Variants in FBXL20 observed in about 807,000 individuals in gnomAD.
FBXL20 encodes F-box/LRR-repeat protein 20.
FBXL20 carries 11 observed loss-of-function variants against 64.0 expected under a neutral mutation model. That is an observed-to-expected ratio of 0.17 (90% confidence interval 0.11 to 0.28). The LOEUF (loss-of-function observed/expected upper bound fraction) is 0.28, where lower values mean the gene tolerates loss of function less well. Ranked by LOEUF, FBXL20 falls within the 10% of genes least tolerant of loss-of-function variation. The pLI, the probability that FBXL20 is intolerant of heterozygous loss-of-function variation, is 1.00. For synonymous variants in FBXL20, 184 were observed against 189.0 expected, an observed-to-expected ratio of 0.97 and a Z score of 0.22; for missense variants, 303 against 526.2, an observed-to-expected ratio of 0.58 and a Z score of 4.15.
chr17:39,295,240 C>G (rs976260427), intron 6 of FBXL20, among the ~76,000 whole-genome samples: 1 of 152,122 alleles, frequency 6.6e-6, no homozygotes, highest in African/African-American at 2.4e-5. Context: ...TAATTTCTCT[C>G]TGTGTGACTA....
chr17:39,345,253 A>C (rs1257665554), intron 1 of FBXL20, among the ~76,000 whole-genome samples: 1 of 152,248 alleles, frequency 6.6e-6, no homozygotes, highest in African/African-American at 2.4e-5. Flanking sequence ...TGAAGAAAAC[A>C]GAAGAAAGCA....
chr17:39,293,283 A>G (rs2047057097), intron 6 of FBXL20, among the ~76,000 whole-genome samples: 1 of 150,668 alleles, frequency 6.6e-6, no homozygotes, highest in South Asian at 2.1e-4. Context: ...GTGCAGTGGC[A>G]TGATCTCGGC....
chr17:39,394,093 G>A (rs1014439481), intron 1 of FBXL20, among the ~76,000 whole-genome samples: 37 of 152,134 alleles, frequency 2.4e-4, no homozygotes, highest in African/African-American at 8.4e-4. Context: ...GTCTCACTAA[G>A]TCTGGAAGAT....
At chr17:39,350,518 C>CA (rs5820287) in intron 1 of FBXL20, among the ~76,000 whole-genome samples, 33,363 of 101,618 alleles carry the variant, frequency 0.33, 4,479 homozygotes, top group East Asian at 0.53. Flanking sequence ...AAAAAAGAAG[C>CA]AAAAAAAAAA....
At chr17:39,363,616 C>T (rs1217236708) in intron 1 of FBXL20, among the ~76,000 whole-genome samples, 1 of 151,826 alleles carries the variant, frequency 6.6e-6, no homozygotes, top group East Asian at 1.9e-4. Context: ...TCCAGACCAG[C>T]CTGGGCAACA....
rs781141663 is a variant in FBXL20 at position 39,282,732 on chromosome 17, C to A, written c.618G>T (p.Thr206=). Residue 206 remains threonine (T), a synonymous_variant, in exon 8 of 15, where the codon ACG becomes ACT. Coordinates refer to ENST00000264658, the MANE Select transcript of FBXL20 (RefSeq NM_032875.3). ...CGAGCCCTACATGGAGTATTACCTGCGTGCAGCCTTTTAAGAATAAGGCCT... is the reference window on the plus strand; with the variant it reads ...CGAGCCCTACATGGAGTATTACCTGAGTGCAGCCTTTTAAGAATAAGGCCT... ...GLKALFLKGC[T]QLEDEALKYI... is the part of the protein sequence containing the mutation. 6.2e-7 allele frequency: 1 copy of A among 1,614,126 alleles called. No homozygotes were observed. Among genetic ancestry groups the A allele is most frequent in the South Asian group, 1.1e-5 (1 of 91,078 alleles).
In FBXL20 at chr17:39,280,171, G is replaced by A. The variant is rs188500531; in HGVS notation, c.696+1218C>T. ...GAATCGCTTGAACCTGGGAGGCGGA[G>A]GTTGCAGTGAGCCGAGATCGTGCCT... On this transcript the variant is annotated intron_variant, in intron 9 of 14. Transcript: ENST00000264658. Among the ~76,000 whole-genome samples the A allele has an allele frequency of 3.3e-5, 5 of 151,496 alleles. No homozygotes were observed. In the East Asian group the frequency reaches 7.8e-4, roughly 24 times the overall value.
intron 1 of FBXL20, among the ~76,000 whole-genome samples, chr17:39,353,455 C>T (rs1292907408): frequency 6.6e-6 from 1 of 151,806 alleles, no homozygotes; most frequent in Admixed American, 6.6e-5. Context: ...TCTTTCTGTG[C>T]CTAATTTATA....
intron 1 of FBXL20, among the ~76,000 whole-genome samples, chr17:39,363,834 C>CA (rs113673962): frequency 0.02 from 1,196 of 59,306 alleles, 48 homozygotes; most frequent in African/African-American, 0.07. Context: ...AAACAAAAAA[C>CA]AAAAAAAAAA....
intron 1 of FBXL20, among the ~76,000 whole-genome samples, chr17:39,382,745 T>A (rs1188629366): frequency 1.3e-5 from 2 of 151,782 alleles, no homozygotes. Flanking sequence ...GAGGCTAAGG[T>A]AGGAGGATCA....
At chr17:39,276,670 G>A (rs965641549) in intron 9 of FBXL20, among the ~76,000 whole-genome samples, 5 of 152,232 alleles carry the variant, frequency 3.3e-5, no homozygotes, top group African/African-American at 4.8e-5. Context: ...CTCCCAAAGT[G>A]CTGGGATTAC....
At chr17:39,312,856 G>A (rs185101396) in intron 2 of FBXL20, among the ~76,000 whole-genome samples, 287 of 150,356 alleles carry the variant, frequency 1.9e-3, no homozygotes, top group Middle Eastern at 0.018. Flanking sequence ...GATTACAGGC[G>A]TGAGCCACTG....
intron 4 of FBXL20, 64 bp from the exon 5 acceptor site, chr17:39,299,148 C>T (rs924685547): frequency 3.6e-6 from 4 of 1,125,086 alleles, no homozygotes; most frequent in African/African-American, 1.6e-5. Flanking sequence ...AGAACACATA[C>T]TCATTTTTAA....
intron 8 of FBXL20, among the ~76,000 whole-genome samples, chr17:39,281,814 C>T (rs1267966375): frequency 6.6e-6 from 1 of 152,152 alleles, no homozygotes; most frequent in Non-Finnish European, 1.5e-5. Flanking sequence ...AACTTCTACA[C>T]ACCCCTTATA....
rs112684076 is a variant in FBXL20 at position 39,360,761 on chromosome 17, G to A, written c.43-17520C>T. On this transcript the variant is annotated intron_variant, in intron 1 of 14. Transcript: ENST00000264658. Reference sequence around the variant, plus strand: ...GTGGCCTCAAACCACTGTTGGCTAAGCATCAGAGACAGTAGCTATTCAGAT... The same window carrying A: ...GTGGCCTCAAACCACTGTTGGCTAAACATCAGAGACAGTAGCTATTCAGAT... Among the ~76,000 whole-genome samples the A allele has an allele frequency of 9.2e-3, 1,395 of 152,250 alleles. 17 individuals carry two copies. The highest frequency in any genetic ancestry group is 0.032 in the African/African-American group (1,318 of 41,542).
At chr17:39,344,746 C>T (rs959498098) in intron 1 of FBXL20, among the ~76,000 whole-genome samples, 19 of 152,180 alleles carry the variant, frequency 1.2e-4, no homozygotes, top group Admixed American at 2.6e-4. Context: ...GCCAAGATGG[C>T]GCCCCTACAC....
chr17:39,345,592 G>C (rs543042235), intron 1 of FBXL20, among the ~76,000 whole-genome samples: 1 of 152,094 alleles, frequency 6.6e-6, no homozygotes, highest in East Asian at 1.9e-4. Context: ...CCAAGCTGGA[G>C]TGCAATAGCA....
At position 39,401,575 on chromosome 17, in the gene FBXL20, C is replaced by T; in HGVS notation, c.-173G>A. The T allele has an allele frequency of 4.3e-6, 6 of 1,404,760 alleles. No homozygotes were observed. The highest frequency in any genetic ancestry group is 4.6e-6 in the Non-Finnish European group (5 of 1,087,830). 87.0% of individuals were successfully genotyped at this position (1,404,760 alleles called of 1,614,324 possible). ...GGCTCCGGCTAGGCCTCCACCACCT[C>T]CCGCGGCGCCGGCGGCCGCAACGAC... is the stretch of plus-strand genomic sequence containing the variant. On this transcript the variant is annotated 5_prime_UTR_variant, in exon 1 of 15. Coordinates refer to ENST00000264658, the MANE Select transcript of FBXL20 (RefSeq NM_032875.3).
intron 1 of FBXL20, among the ~76,000 whole-genome samples, chr17:39,373,064 C>G (rs979303871): frequency 6.6e-6 from 1 of 151,686 alleles, no homozygotes; most frequent in African/African-American, 2.4e-5. Flanking sequence ...TGTCTCATCT[C>G]TGTGGCTTCA....
Sources: gnomAD v4.1 joint callset for allele counts (sites outside exome capture counted in the v4.1 genomes callset) on GRCh38, gnomAD v4.1.1 for gene constraint, MANE v1.5 for transcripts, NCBI Gene and HGNC (gene_info 2026-07-23, HGNC 2026-07-21) for gene names.